The following BMPR1A variants were observed in gnomAD, a reference collection of about 807,000 sequenced individuals.
BMPR1A encodes bone morphogenetic protein receptor type-1A.
BMPR1A carries 7 observed loss-of-function variants against 66.0 expected under a neutral mutation model. The ratio of observed to expected loss-of-function variants is 0.11; its 90% CI spans 0.06 to 0.20. BMPR1A has a LOEUF of 0.20. Ranked by LOEUF, BMPR1A falls within the 10% of genes least tolerant of loss-of-function variation. The pLI is 1.00. For synonymous variants in BMPR1A, 200 were observed against 229.7 expected, an observed-to-expected ratio of 0.87 and a Z score of 1.17; for missense variants, 408 against 669.1, an observed-to-expected ratio of 0.61 and a Z score of 4.31.
intron 7 of BMPR1A, among the ~76,000 whole-genome samples, chr10:86,905,309 C>T (rs1843370217): frequency 6.6e-6 from 1 of 152,186 alleles, no homozygotes. Flanking sequence ...CTGGCATCTT[C>T]TTTTGTAGCT....
chr10:86,848,917 A>G (rs533360454), intron 2 of BMPR1A, among the ~76,000 whole-genome samples: 1 of 152,040 alleles, frequency 6.6e-6, no homozygotes, highest in Non-Finnish European at 1.5e-5. Flanking sequence ...GTTTTCTTCC[A>G]CTTCCCTATT....
intron 7 of BMPR1A, among the ~76,000 whole-genome samples, chr10:86,903,404 C>A (rs1342620992): frequency 6.6e-6 from 1 of 151,392 alleles, no homozygotes; most frequent in East Asian, 1.9e-4. Context: ...AAATAATATA[C>A]TAGATGAAAT....
chr10:86,853,170 GAC>G (rs1291863301), intron 2 of BMPR1A, among the ~76,000 whole-genome samples: 6 of 151,880 alleles, frequency 4.0e-5, no homozygotes, highest in African/African-American at 1.2e-4. Context: ...AATGAAAATT[GAC>G]ACAGAGTAAA....
At chr10:86,849,621 C>T (rs771283750) in intron 2 of BMPR1A, among the ~76,000 whole-genome samples, 2 of 152,214 alleles carry the variant, frequency 1.3e-5, no homozygotes, top group East Asian at 1.9e-4. Context: ...TAGAACTACA[C>T]TCTCCGATAT....
chr10:86,769,390 C>T (rs941300040), intron 1 of BMPR1A, among the ~76,000 whole-genome samples: 7 of 152,130 alleles, frequency 4.6e-5, no homozygotes, highest in African/African-American at 9.7e-5. Context: ...ATAGCAACTG[C>T]GCTTCAGCGT....
intron 1 of BMPR1A, among the ~76,000 whole-genome samples, chr10:86,804,670 C>CT (rs1319495826): frequency 6.6e-6 from 1 of 151,314 alleles, no homozygotes; most frequent in African/African-American, 2.4e-5. Flanking sequence ...TTTCCTCAGT[C>CT]TTTATTTTGT....
intron 8 of BMPR1A, among the ~76,000 whole-genome samples, chr10:86,915,465 C>G (rs1843553483): frequency 6.6e-6 from 1 of 151,984 alleles, no homozygotes. Context: ...AATTATACCT[C>G]AATAATCTTG....
intron 8 of BMPR1A, among the ~76,000 whole-genome samples, chr10:86,914,367 A>G (rs1327314443): frequency 1.3e-5 from 2 of 152,206 alleles, no homozygotes; most frequent in Admixed American, 1.3e-4. Flanking sequence ...AGTACATAAA[A>G]AACACAAATC....
chr10:86,792,531 C>G (rs1347586380), intron 1 of BMPR1A, among the ~76,000 whole-genome samples: 1 of 152,136 alleles, frequency 6.6e-6, no homozygotes, highest in African/African-American at 2.4e-5. Context: ...TGCAGTGGCT[C>G]AAACCTGTAA....
At chr10:86,819,251 G>T (rs1333980214) in intron 1 of BMPR1A, among the ~76,000 whole-genome samples, 1 of 152,064 alleles carries the variant, frequency 6.6e-6, no homozygotes, top group Non-Finnish European at 1.5e-5. Context: ...ACCATGTTTT[G>T]TAACAATTGG....
intron 1 of BMPR1A, among the ~76,000 whole-genome samples, chr10:86,798,949 C>A (rs1309973369): frequency 6.6e-6 from 1 of 152,118 alleles, no homozygotes; most frequent in Non-Finnish European, 1.5e-5. Flanking sequence ...AATAAAAAAG[C>A]TTTGGTTTTT....
chr10:86,896,517 A>G (rs908688405), intron 5 of BMPR1A, among the ~76,000 whole-genome samples: 2 of 152,186 alleles, frequency 1.3e-5, no homozygotes, highest in Non-Finnish European at 2.9e-5. Context: ...CGTAATTATC[A>G]TGGGAGATAT....
At chr10:86,866,414 T>TTTTTTC (rs1842788290) in intron 2 of BMPR1A, among the ~76,000 whole-genome samples, 1 of 131,266 alleles carries the variant, frequency 7.6e-6, no homozygotes, top group African/African-American at 2.9e-5. Flanking sequence ...TTTTTTTTTT[T>TTTTTTC]TTTTTTTTTT....
At chr10:86,764,093 C>G (rs974099709) in intron 1 of BMPR1A, among the ~76,000 whole-genome samples, 3 of 152,116 alleles carry the variant, frequency 2.0e-5, no homozygotes, top group African/African-American at 7.2e-5. Flanking sequence ...ATCTGGCTGA[C>G]TTGGATAGTT....
At chr10:86,804,790 G>GTTTT (rs1491151530) in intron 1 of BMPR1A, among the ~76,000 whole-genome samples, 4 of 97,500 alleles carry the variant, frequency 4.1e-5, no homozygotes, top group African/African-American at 1.7e-4. Flanking sequence ...ATGTTTGTAG[G>GTTTT]TGTTTTTTTT....
intron 1 of BMPR1A, among the ~76,000 whole-genome samples, chr10:86,797,519 C>A (rs1414359317): frequency 1.3e-5 from 2 of 152,084 alleles, no homozygotes; most frequent in Non-Finnish European, 2.9e-5. Context: ...GCATGAACTA[C>A]TGCGCCCAGC....
rs992125021 is a variant in BMPR1A, at chr10:86,925,329, A to G, written c.*1610A>G. The G allele has an allele frequency of 1.8e-5, 4 of 221,262 alleles. No individual in the cohort carries two copies. Among genetic ancestry groups the G allele is most frequent in the Non-Finnish European group, 3.6e-5 (4 of 110,808 alleles). The allele number at this position is 221,262 out of a possible 1,614,324, so 13.7% of individuals were successfully genotyped here. ...ATTATAACATAAAATAAATGTGATT[A>G]TATCACATCATCATCAAAAAGGTTT... On this transcript the variant is annotated 3_prime_UTR_variant, in exon 13 of 13. Coordinates refer to ENST00000372037, the MANE Select transcript of BMPR1A (RefSeq NM_004329.3).
intron 1 of BMPR1A, among the ~76,000 whole-genome samples, chr10:86,760,198 T>TG (rs1479849170): frequency 1.3e-5 from 2 of 148,858 alleles, no homozygotes; most frequent in Non-Finnish European, 3.0e-5. Flanking sequence ...GTTTTTTTTT[T>TG]TTTTTTTTTT....
intron 1 of BMPR1A, among the ~76,000 whole-genome samples, chr10:86,809,613 C>CTTTTT (rs1564691704): frequency 1.7e-3 from 184 of 106,438 alleles, no homozygotes; most frequent in African/African-American, 4.7e-3. Flanking sequence ...TTTTTTTTTT[C>CTTTTT]TCTTTTTTCT....
Sources: gnomAD v4.1 joint callset for allele counts (sites outside exome capture counted in the v4.1 genomes callset) on GRCh38, gnomAD v4.1.1 for gene constraint, MANE v1.5 for transcripts, NCBI Gene and HGNC (gene_info 2026-07-23, HGNC 2026-07-21) for gene names.